Variants in PLXNA4 observed in about 807,000 individuals in gnomAD.
PLXNA4 encodes plexin A4.
PLXNA4 carries 44 observed loss-of-function variants against 191.8 expected under a neutral mutation model. That is an observed-to-expected ratio of 0.23 (90% CI 0.18 to 0.29). The LOEUF is 0.29. Among genes scored for constraint, PLXNA4 ranks in the 10% least tolerant of loss-of-function variants. The probability of loss-of-function intolerance (pLI) is 1.00; values close to 1 mark genes in which losing one functional copy is unlikely to be tolerated. For synonymous variants in PLXNA4, 1,082 were observed against 1,009.5 expected, an observed-to-expected ratio of 1.07 and a Z score of -1.36; for missense variants, 1,800 against 2,488.8, an observed-to-expected ratio of 0.72 and a Z score of 5.89.
At chr7:132,477,409 A>T (rs1404359444) in intron 3 of PLXNA4, among the ~76,000 whole-genome samples, 1 of 152,206 alleles carries the variant, frequency 6.6e-6, no homozygotes, top group East Asian at 1.9e-4. Flanking sequence ...TGGCCATGAG[A>T]TCAACATGTC....
chr7:132,218,940 A>G (rs1235738271), intron 9 of PLXNA4, among the ~76,000 whole-genome samples: 1 of 152,200 alleles, frequency 6.6e-6, no homozygotes, highest in Non-Finnish European at 1.5e-5. Context: ...TTCCAGTCCA[A>G]TAACTTCACC....
At chr7:132,133,347 G>A (rs1795023413) in intron 30 of PLXNA4, 148 bp from the exon 31 acceptor site, 1 of 1,364,168 alleles carries the variant, frequency 7.3e-7, no homozygotes, top group Non-Finnish European at 9.8e-7. Flanking sequence ...GGGGACCACT[G>A]TGGTCTCTCT....
chr7:132,320,405 T>C (rs1167571864), intron 3 of PLXNA4, among the ~76,000 whole-genome samples: 2 of 152,204 alleles, frequency 1.3e-5, no homozygotes, highest in Non-Finnish European at 2.9e-5. Context: ...CATTCTTTTC[T>C]CTCATGAAGT....
chr7:132,195,550 C>T (rs1427869318), intron 13 of PLXNA4, among the ~76,000 whole-genome samples: 2 of 152,182 alleles, frequency 1.3e-5, no homozygotes, highest in African/African-American at 4.8e-5. Context: ...GAAGTCTGGA[C>T]CATGCACTTC....
intron 3 of PLXNA4, among the ~76,000 whole-genome samples, chr7:132,423,635 T>C (rs1740643453): frequency 6.6e-6 from 1 of 152,122 alleles, no homozygotes; most frequent in African/African-American, 2.4e-5. Context: ...AGCTGAGGAA[T>C]CTGTTTAATT....
intron 4 of PLXNA4, among the ~76,000 whole-genome samples, chr7:132,295,151 A>G (rs1490227474): frequency 2.6e-5 from 4 of 152,110 alleles, no homozygotes; most frequent in South Asian, 2.1e-4. Flanking sequence ...CTCTTTTCCA[A>G]TTCTGGTTCA....
At chr7:132,374,824 A>G (rs1044252112) in intron 3 of PLXNA4, among the ~76,000 whole-genome samples, 4 of 152,130 alleles carry the variant, frequency 2.6e-5, no homozygotes, top group Non-Finnish European at 5.9e-5. Flanking sequence ...CAACAAATTC[A>G]CTCTTAAAGC....
At chr7:132,470,694 G>A (rs1051254952) in intron 3 of PLXNA4, among the ~76,000 whole-genome samples, 2 of 152,172 alleles carry the variant, frequency 1.3e-5, no homozygotes, top group Admixed American at 6.5e-5. Flanking sequence ...TCCCAGCCTT[G>A]GTCAGAGGGA....
intron 4 of PLXNA4, among the ~76,000 whole-genome samples, chr7:132,295,336 A>G (rs1801037319): frequency 6.6e-6 from 1 of 152,194 alleles, no homozygotes; most frequent in Non-Finnish European, 1.5e-5. Context: ...GCAGGCCAGG[A>G]ATAGTCCAAT....
At chr7:132,632,557 G>A (rs536495550) in intron 2 of PLXNA4, among the ~76,000 whole-genome samples, 6 of 152,248 alleles carry the variant, frequency 3.9e-5, no homozygotes, top group African/African-American at 1.4e-4. Flanking sequence ...GGATAGAAAT[G>A]TAGCATCCAT....
chr7:132,497,660 C>G (rs958923803), intron 2 of PLXNA4, among the ~76,000 whole-genome samples: 1 of 152,178 alleles, frequency 6.6e-6, no homozygotes, highest in African/African-American at 2.4e-5. Flanking sequence ...CTAGCCCTCC[C>G]CAGAAGGTCT....
intron 10 of PLXNA4, among the ~76,000 whole-genome samples, chr7:132,208,358 C>T (rs974787376): frequency 1.3e-5 from 2 of 152,230 alleles, no homozygotes; most frequent in African/African-American, 4.8e-5. Context: ...ACCTCTCCTA[C>T]AACTAATGGT....
At chr7:132,396,297 A>G (rs1283504973) in intron 3 of PLXNA4, among the ~76,000 whole-genome samples, 3 of 152,232 alleles carry the variant, frequency 2.0e-5, no homozygotes, top group African/African-American at 7.2e-5. Flanking sequence ...AGTTTCGGAA[A>G]GAGATGAAGA....
intron 25 of PLXNA4, among the ~76,000 whole-genome samples, chr7:132,152,769 G>C (rs1056557990): frequency 1.3e-5 from 2 of 152,206 alleles, no homozygotes; most frequent in Admixed American, 6.5e-5. Context: ...AATGCTATGA[G>C]ATGCTGAGCT....
intron 1 of PLXNA4, among the ~76,000 whole-genome samples, chr7:132,513,218 C>A (rs933374997): frequency 2.6e-5 from 4 of 152,222 alleles, no homozygotes; most frequent in African/African-American, 9.6e-5. Flanking sequence ...TAGCACCATC[C>A]TCTCAGATTC....
At chr7:132,269,533 G>A (rs1799985256) in intron 4 of PLXNA4, among the ~76,000 whole-genome samples, 1 of 152,180 alleles carries the variant, frequency 6.6e-6, no homozygotes, top group African/African-American at 2.4e-5. Context: ...GTGTTTTGAT[G>A]ACAGGTTAGG....
intron 9 of PLXNA4, among the ~76,000 whole-genome samples, chr7:132,214,606 T>G (rs1456616401): frequency 6.6e-6 from 1 of 152,082 alleles, no homozygotes; most frequent in East Asian, 1.9e-4. Flanking sequence ...AGATTCCAGA[T>G]GCAAAATCAC....
intron 30 of PLXNA4, among the ~76,000 whole-genome samples, chr7:132,136,432 C>T (rs1278642563): frequency 2.0e-5 from 3 of 152,218 alleles, no homozygotes; most frequent in Admixed American, 1.3e-4. Context: ...TCCGAGCTGC[C>T]CCAGGCCTGA....
At chr7:132,364,102 G>A (rs1282286897) in intron 3 of PLXNA4, among the ~76,000 whole-genome samples, 2 of 152,226 alleles carry the variant, frequency 1.3e-5, no homozygotes, top group Non-Finnish European at 2.9e-5. Flanking sequence ...GTTTACCTGG[G>A]CAGGGCGATG....
Sources: gnomAD v4.1 joint callset for allele counts (sites outside exome capture counted in the v4.1 genomes callset) on GRCh38, gnomAD v4.1.1 for gene constraint, MANE v1.5 for transcripts, NCBI Gene and HGNC (gene_info 2026-07-23, HGNC 2026-07-21) for gene names.